Variants in THSD7A observed in about 807,000 individuals in gnomAD.
THSD7A encodes thrombospondin type 1 domain containing 7A.
Under a neutral mutation model 231.3 loss-of-function variants are expected in THSD7A, and 96 were observed. The ratio of observed to expected loss-of-function variants is 0.41; its 90% CI spans 0.35 to 0.49. The LOEUF (loss-of-function observed/expected upper bound fraction) is 0.49. THSD7A is among the 20% of genes least tolerant of loss of function. The pLI, the probability that THSD7A is intolerant of heterozygous loss-of-function variation, is 0.05. For missense variants in THSD7A, 2,290 were observed against 2,070.2 expected (o/e 1.11, Z -2.06); for synonymous variants, 940 against 743.3 (o/e 1.26, Z -4.30).
At chr7:11,525,334 AC>A (rs1312342038) in intron 6 of THSD7A, among the ~76,000 whole-genome samples, 1 of 152,176 alleles carries the variant, frequency 6.6e-6, no homozygotes, top group African/African-American at 2.4e-5. Flanking sequence ...ATATATAAAT[AC>A]CATAATGTTC....
At chr7:11,714,739 T>TA (rs1781079312) in intron 1 of THSD7A, among the ~76,000 whole-genome samples, 2 of 151,380 alleles carry the variant, frequency 1.3e-5, no homozygotes, top group African/African-American at 2.4e-5. Flanking sequence ...TTTGACTAAA[T>TA]TTTCCAGAAA....
chr7:11,589,993 G>T (rs1321000233), intron 4 of THSD7A, among the ~76,000 whole-genome samples: 1 of 151,902 alleles, frequency 6.6e-6, no homozygotes, highest in African/African-American at 2.4e-5. Context: ...TTTCTATTCT[G>T]TACTTATTTA....
At chr7:11,494,257 C>T (rs531509654) in intron 6 of THSD7A, among the ~76,000 whole-genome samples, 138 of 152,082 alleles carry the variant, frequency 9.1e-4, no homozygotes, top group African/African-American at 3.1e-3. Context: ...GTGCCTGTGC[C>T]TTTGTCACTA....
At chr7:11,593,548 A>C (rs374971253) in intron 2 of THSD7A, 46 bp from the exon 3 acceptor site, 5 of 1,592,988 alleles carry the variant, frequency 3.1e-6, no homozygotes, top group Non-Finnish European at 4.3e-6. Flanking sequence ...ACAGGCAGTT[A>C]TGAACTTTGT....
intron 26 of THSD7A, 124 bp from the exon 27 acceptor site, chr7:11,376,781 C>T (rs954851762): frequency 1.8e-6 from 1 of 548,680 alleles, no homozygotes; most frequent in Admixed American, 3.2e-5. Flanking sequence ...AGAATTATTG[C>T]TTCAGCACAG....
At chr7:11,681,687 G>A (rs932153379) in intron 1 of THSD7A, among the ~76,000 whole-genome samples, 27 of 152,056 alleles carry the variant, frequency 1.8e-4, no homozygotes, top group African/African-American at 5.3e-4. Flanking sequence ...AGGAAACATC[G>A]TTCAGGATAT....
intron 1 of THSD7A, among the ~76,000 whole-genome samples, chr7:11,643,797 T>C (rs182338781): frequency 2.0e-5 from 3 of 152,200 alleles, no homozygotes; most frequent in Admixed American, 2.0e-4. Context: ...TTATAAAGAA[T>C]GCTATAATGA....
intron 2 of THSD7A, among the ~76,000 whole-genome samples, chr7:11,604,068 G>A (rs1343541267): frequency 6.6e-6 from 1 of 151,878 alleles, no homozygotes; most frequent in Non-Finnish European, 1.5e-5. Flanking sequence ...TCAAGATGAT[G>A]ATAACATTAG....
intron 1 of THSD7A, among the ~76,000 whole-genome samples, chr7:11,752,311 C>T (rs1049973328): frequency 1.3e-5 from 2 of 151,970 alleles, no homozygotes; most frequent in African/African-American, 2.4e-5. Flanking sequence ...TTCCATGCCT[C>T]GACATCAAAT....
chr7:11,528,602 A>G (rs919254079), intron 6 of THSD7A, among the ~76,000 whole-genome samples: 1 of 152,200 alleles, frequency 6.6e-6, no homozygotes, highest in African/African-American at 2.4e-5. Context: ...AGCAATTTCA[A>G]TATAAGATCA....
At chr7:11,587,875 C>T (rs1779978843) in intron 4 of THSD7A, among the ~76,000 whole-genome samples, 1 of 152,076 alleles carries the variant, frequency 6.6e-6, no homozygotes, top group Non-Finnish European at 1.5e-5. Flanking sequence ...TGTACTAATA[C>T]ACTTTATTTT....
At chr7:11,722,802 G>A (rs1341119856) in intron 1 of THSD7A, among the ~76,000 whole-genome samples, 3 of 151,906 alleles carry the variant, frequency 2.0e-5, no homozygotes, top group African/African-American at 7.3e-5. Flanking sequence ...AGTTAGAATG[G>A]CGATCATTAA....
intron 2 of THSD7A, among the ~76,000 whole-genome samples, chr7:11,603,827 A>G (rs1780637308): frequency 1.4e-5 from 2 of 144,688 alleles, no homozygotes; most frequent in East Asian, 2.1e-4. Flanking sequence ...GAATTGAACA[A>G]CGAGATCACA....
intron 1 of THSD7A, among the ~76,000 whole-genome samples, chr7:11,652,515 G>A (rs568903852): frequency 1.9e-4 from 29 of 151,826 alleles, no homozygotes; most frequent in Non-Finnish European, 3.1e-4. Flanking sequence ...CATTATAAAG[G>A]ATTAGAAGAG....
chr7:11,412,131 GA>G (rs970797864), intron 18 of THSD7A, among the ~76,000 whole-genome samples: 2 of 152,026 alleles, frequency 1.3e-5, no homozygotes, highest in Admixed American at 1.3e-4. Context: ...AGTTTTAGGG[GA>G]AAAATGCAAC....
At chr7:11,501,900 A>T (rs567716817) in intron 6 of THSD7A, among the ~76,000 whole-genome samples, 30 of 152,258 alleles carry the variant, frequency 2.0e-4, no homozygotes, top group South Asian at 1.4e-3. Flanking sequence ...GACTAATAGA[A>T]GAGAGAAAAG....
At chr7:11,567,673 G>A (rs975821819) in intron 4 of THSD7A, among the ~76,000 whole-genome samples, 6 of 152,176 alleles carry the variant, frequency 3.9e-5, no homozygotes, top group Non-Finnish European at 8.8e-5. Flanking sequence ...TAAGGCCTGA[G>A]CTGCAGGATA....
chr7:11,477,408 G>C (rs1786237589), intron 7 of THSD7A, among the ~76,000 whole-genome samples: 1 of 152,060 alleles, frequency 6.6e-6, no homozygotes, highest in South Asian at 2.1e-4. Context: ...ACAAGATTTT[G>C]GTTTGCTTCA....
intron 6 of THSD7A, among the ~76,000 whole-genome samples, chr7:11,527,789 T>G (rs2128318343): frequency 6.6e-6 from 1 of 152,294 alleles, no homozygotes; most frequent in South Asian, 2.1e-4. Flanking sequence ...TCTATATCAC[T>G]TAGACCTCTT....
Sources: gnomAD v4.1 joint callset for allele counts (sites outside exome capture counted in the v4.1 genomes callset) on GRCh38, gnomAD v4.1.1 for gene constraint, MANE v1.5 for transcripts, NCBI Gene and HGNC (gene_info 2026-07-23, HGNC 2026-07-21) for gene names.